The following CNTN1 variants were observed in gnomAD, a reference collection of about 807,000 sequenced individuals.
The protein encoded by CNTN1 is contactin-1.
Under a neutral mutation model 126.4 loss-of-function variants are expected in CNTN1, and 38 were observed. The observed-to-expected ratio is 0.30, with a 90% CI of 0.23 to 0.39. The LOEUF is 0.39. Ranked by LOEUF, CNTN1 falls within the 10% of genes least tolerant of loss-of-function variation. CNTN1 has a pLI of 1.00. For synonymous variants in CNTN1, 413 were observed against 422.6 expected, an observed-to-expected ratio of 0.98 and a Z score of 0.28; for missense variants, 1,009 against 1,248.4, an observed-to-expected ratio of 0.81 and a Z score of 2.89.
intron 12 of CNTN1, among the ~76,000 whole-genome samples, chr12:40,941,913 A>AT (rs2136945806): frequency 6.6e-6 from 1 of 152,260 alleles, no homozygotes; most frequent in African/African-American, 2.4e-5. Context: ...TTTTCTAAAT[A>AT]TTTTTATTAA....
intron 23 of CNTN1, among the ~76,000 whole-genome samples, chr12:41,043,466 T>G (rs1949467274): frequency 6.6e-6 from 1 of 152,104 alleles, no homozygotes; most frequent in Non-Finnish European, 1.5e-5. Context: ...CTTACACCAG[T>G]TAGAATGGTG....
At position 40,798,257 on chromosome 12, in the gene CNTN1, G is replaced by A. The variant is rs183617613; in HGVS notation, c.-77+105665G>A. ...AGCCTGTGTCTCAGAAGCCAGGTGAGATGTTGCTACTGAAGAGTCATTGAT... is the reference window on the plus strand; with the variant it reads ...AGCCTGTGTCTCAGAAGCCAGGTGAAATGTTGCTACTGAAGAGTCATTGAT... On this transcript the variant is annotated intron_variant, in intron 1 of 23. Transcript: ENST00000551295. Among the ~76,000 whole-genome samples the A allele has an allele frequency of 1.6e-3, 238 of 152,106 alleles. 2 individuals carry two copies. Among genetic ancestry groups the A allele is most frequent in the African/African-American group, 5.5e-3 (229 of 41,536 alleles).
At chr12:40,850,084 G>A (rs1233177597) in intron 1 of CNTN1, among the ~76,000 whole-genome samples, 1 of 151,898 alleles carries the variant, frequency 6.6e-6, no homozygotes, top group Non-Finnish European at 1.5e-5. Flanking sequence ...TGTATCTTTA[G>A]CATTATAATC....
At chr12:40,843,165 C>G (rs36063194) in intron 1 of CNTN1, among the ~76,000 whole-genome samples, 8,280 of 152,120 alleles carry the variant, frequency 0.054, 252 homozygotes, top group Middle Eastern at 0.11. Context: ...ATTTTCATAT[C>G]TTGCAGCACT....
intron 1 of CNTN1, among the ~76,000 whole-genome samples, chr12:40,770,310 G>T (rs1939287970): frequency 6.6e-6 from 1 of 152,098 alleles, no homozygotes; most frequent in African/African-American, 2.4e-5. Flanking sequence ...GCCCAGGGTT[G>T]CATTCAGAAA....
At chr12:40,831,306 A>G (rs1941832604) in intron 1 of CNTN1, among the ~76,000 whole-genome samples, 1 of 151,716 alleles carries the variant, frequency 6.6e-6, no homozygotes, top group African/African-American at 2.4e-5. Flanking sequence ...AAGAGGTAAT[A>G]TACCCATTTT....
chr12:41,055,285 G>A (rs1949779359), intron 23 of CNTN1, among the ~76,000 whole-genome samples: 1 of 151,986 alleles, frequency 6.6e-6, no homozygotes, highest in Admixed American at 6.6e-5. Flanking sequence ...TGAATATCCA[G>A]GATAACTTTC....
chr12:40,825,757 A>T (rs80151961), intron 1 of CNTN1, among the ~76,000 whole-genome samples: 14,775 of 152,072 alleles, frequency 0.097, 878 homozygotes, highest in Non-Finnish European at 0.13. Flanking sequence ...TACTATCTCC[A>T]CAGTGTCCCT....
intron 1 of CNTN1, among the ~76,000 whole-genome samples, chr12:40,887,621 C>G (rs1196479420): frequency 1.3e-5 from 2 of 151,872 alleles, no homozygotes; most frequent in African/African-American, 2.4e-5. Flanking sequence ...CCTCAGGGAT[C>G]TAGAACTAGA....
At position 40,777,239 on chromosome 12, in the gene CNTN1, G is replaced by GTT. The variant is rs537481140; in HGVS notation, c.-77+84658_-77+84659dup. ...GATAGTCAGGGTATCTAATTACTAT[G>GTT]TTTTTTTTTTTTAATTCTCTATATC... On this transcript the variant is annotated intron_variant, in intron 1 of 23. Transcript: ENST00000551295. Among the ~76,000 whole-genome samples, 974 of 144,536 alleles carry GTT rather than the reference G, an allele frequency of 6.7e-3. 10 individuals are homozygous for GTT. Among genetic ancestry groups the GTT allele is most frequent in the African/African-American group, 0.023 (920 of 39,720 alleles). The allele number at this position is 144,536 out of a possible 152,430, so 94.8% of individuals were successfully genotyped here.
intron 1 of CNTN1, among the ~76,000 whole-genome samples, chr12:40,894,970 T>C (rs1333314728): frequency 6.6e-6 from 1 of 152,206 alleles, no homozygotes; most frequent in Non-Finnish European, 1.5e-5. Flanking sequence ...CATTATAGAA[T>C]GATTCTTTTC....
chr12:40,699,285 G>C (rs1480574402), intron 1 of CNTN1, among the ~76,000 whole-genome samples: 1 of 152,026 alleles, frequency 6.6e-6, no homozygotes, highest in Non-Finnish European at 1.5e-5. Flanking sequence ...TTAGTTTTTA[G>C]GATTTCAACA....
intron 1 of CNTN1, among the ~76,000 whole-genome samples, chr12:40,906,917 A>C (rs1359874751): frequency 2.0e-5 from 3 of 151,984 alleles, no homozygotes; most frequent in African/African-American, 7.3e-5. Flanking sequence ...ACCTCAGGTG[A>C]TCTACGAGCT....
chr12:40,913,064 C>A (rs867576332), intron 3 of CNTN1, among the ~76,000 whole-genome samples: 33 of 152,206 alleles, frequency 2.2e-4, no homozygotes, highest in Admixed American at 1.4e-3. Flanking sequence ...ATGTGACAGG[C>A]TCCCCTTGGG....
Position 40,943,582 on chromosome 12 carries a change from T to C in CNTN1, c.1380-15T>C. 1 of 1,535,918 alleles carries C rather than the reference T, an allele frequency of 6.5e-7. No individual in the cohort carries two copies. Among genetic ancestry groups the C allele is most frequent in the Non-Finnish European group, 9.0e-7 (1 of 1,110,032 alleles). ...AAATCAGGTTTGTGAATTATATATA[T>C]TTTTATTTCACTAGAATACTCATTT... On this transcript the variant is annotated splice_polypyrimidine_tract_variant and intron_variant, in intron 12 of 23. Coordinates refer to ENST00000551295, the MANE Select transcript of CNTN1 (RefSeq NM_001843.4).
At chr12:40,770,350 T>A (rs1939289254) in intron 1 of CNTN1, among the ~76,000 whole-genome samples, 1 of 152,148 alleles carries the variant, frequency 6.6e-6, no homozygotes, top group Non-Finnish European at 1.5e-5. Context: ...AAAATCTCTT[T>A]GAGTCTTTTC....
At chr12:40,820,755 G>A (rs1343208042) in intron 1 of CNTN1, among the ~76,000 whole-genome samples, 1 of 152,142 alleles carries the variant, frequency 6.6e-6, no homozygotes, top group Non-Finnish European at 1.5e-5. Flanking sequence ...AACCATGTTG[G>A]CACCTGATGC....
rs768488106 is a variant in CNTN1, at chr12:40,859,339, A to G, written c.-76-49018A>G. Among the ~76,000 whole-genome samples the G allele has an allele frequency of 3.7e-4, 57 of 152,228 alleles. 1 individual carries two copies. The highest frequency in any genetic ancestry group is 5.1e-4 in the Non-Finnish European group (35 of 67,994). On this transcript the variant is annotated intron_variant, in intron 1 of 23. Transcript: ENST00000551295. Reference sequence around the variant, plus strand: ...AGTTAATAAATATCAATATTGGCTCATCAATTGTAACAAAAGCCTCACACT... The same window carrying G: ...AGTTAATAAATATCAATATTGGCTCGTCAATTGTAACAAAAGCCTCACACT...
At chr12:40,880,569 T>C (rs941011838) in intron 1 of CNTN1, among the ~76,000 whole-genome samples, 6 of 152,038 alleles carry the variant, frequency 3.9e-5, no homozygotes, top group African/African-American at 1.4e-4. Context: ...ATTGGTGCTA[T>C]GTGCAAAAAG....
Sources: gnomAD v4.1 joint callset for allele counts (sites outside exome capture counted in the v4.1 genomes callset) on GRCh38, gnomAD v4.1.1 for gene constraint, MANE v1.5 for transcripts, NCBI Gene and HGNC (gene_info 2026-07-23, HGNC 2026-07-21) for gene names.